Variants in FAT1 observed in about 807,000 individuals in gnomAD.
FAT1 encodes FAT atypical cadherin 1.
A neutral mutation model predicts 329.8 loss-of-function variants in FAT1; 171 were observed. The ratio of observed to expected loss-of-function variants is 0.52; its 90% CI spans 0.46 to 0.59. The LOEUF (loss-of-function observed/expected upper bound fraction) is 0.59, where lower values mean the gene tolerates loss of function less well. Among genes scored for constraint, FAT1 ranks in the 20% least tolerant of loss-of-function variants. FAT1 has a pLI of 0.00. For missense variants in FAT1, 5,672 were observed against 5,774.4 expected (o/e 0.98, Z 0.57); for synonymous variants, 2,233 against 2,228.6 (o/e 1.00, Z -0.06).
intron 2 of FAT1, among the ~76,000 whole-genome samples, chr4:186,704,324 CA>C (rs1308086441): frequency 6.6e-6 from 1 of 152,146 alleles, no homozygotes; most frequent in African/African-American, 2.4e-5. Flanking sequence ...TTTGGGACAC[CA>C]CCTCGTTTGG....
At position 186,647,815 on chromosome 4, in the gene FAT1, G is replaced by A. The variant is rs1011268752; in HGVS notation, c.3581-8032C>T. Among the ~76,000 whole-genome samples the A allele has an allele frequency of 4.6e-5, 7 of 152,322 alleles. No homozygotes were observed. In the East Asian group the frequency reaches 1.4e-3, roughly 29 times the overall value. ...TAGTTTAAGTTTTAGGGTCTTCAGT[G>A]TAATTTCTTCAGGAGTTGTTACTAC... On this transcript the variant is annotated intron_variant, in intron 3 of 26. Coordinates refer to ENST00000441802, the MANE Select transcript of FAT1 (RefSeq NM_005245.4).
intron 26 of FAT1, among the ~76,000 whole-genome samples, chr4:186,593,476 G>A (rs1003782742): frequency 6.6e-6 from 1 of 152,162 alleles, no homozygotes; most frequent in Non-Finnish European, 1.5e-5. Context: ...CACTATACAT[G>A]GCAAAAGGGA....
rs2126691685 is a variant in FAT1 at position 186,707,831 on chromosome 4, C to A, written c.1997G>T (p.Ser666Ile). ...PLYINITVAA[S>I]HKLVNLQCEE... ...ACACTGCAAGTTTACCAGCTTGTGACTGGCAGCCACTGTTATGTTGATATA... is the reference window on the plus strand; with the variant it reads ...ACACTGCAAGTTTACCAGCTTGTGAATGGCAGCCACTGTTATGTTGATATA... The change falls in exon 2 of 27, where the codon AGT (serine) becomes ATT (isoleucine). Residue 666 changes from serine (S) to isoleucine (I), a missense_variant. Physicochemically the swap from Ser to Ile is moderately radical, Grantham distance 142. Transcript: ENST00000441802. The A allele has an allele frequency of 5.0e-6, 8 of 1,613,752 alleles. No homozygotes were observed. Among genetic ancestry groups the A allele is most frequent in the Non-Finnish European group, 6.8e-6 (8 of 1,179,896 alleles).
chr4:186,595,323 G>A (rs903276746), intron 26 of FAT1, among the ~76,000 whole-genome samples: 4 of 152,032 alleles, frequency 2.6e-5, no homozygotes, highest in African/African-American at 9.7e-5. Flanking sequence ...GTGTGAGAGA[G>A]AGTGTGTGTT....
At chr4:186,663,096 A>G (rs1163933881) in intron 3 of FAT1, among the ~76,000 whole-genome samples, 3 of 152,210 alleles carry the variant, frequency 2.0e-5, no homozygotes, top group Non-Finnish European at 4.4e-5. Flanking sequence ...TCGGCCTCCC[A>G]AAGTGCTGGG....
At chr4:186,595,640 A>G (rs1398672969) in intron 26 of FAT1, 49 bp downstream of exon 26, 7 of 1,605,306 alleles carry the variant, frequency 4.4e-6, no homozygotes. Flanking sequence ...ATAACACAGT[A>G]ACACAACAAG....
intron 2 of FAT1, among the ~76,000 whole-genome samples, chr4:186,674,609 GA>G (rs1417430773): frequency 6.6e-6 from 1 of 152,122 alleles, no homozygotes; most frequent in Non-Finnish European, 1.5e-5. Flanking sequence ...AGGCCAAACA[GA>G]TCCCTGTATA....
chr4:186,724,477 G>A (rs1041403947), upstream of FAT1, among the ~76,000 whole-genome samples: 2 of 152,088 alleles, frequency 1.3e-5, no homozygotes, highest in Non-Finnish European at 2.9e-5. The surrounding 1 kb of genome is among the most constrained non-coding windows in gnomAD (Gnocchi z 5.3). Context: ...GGCCTCCCCC[G>A]CTGACACCCC....
At chr4:186,595,326 T>A (rs1000652360) in intron 26 of FAT1, among the ~76,000 whole-genome samples, 1 of 151,464 alleles carries the variant, frequency 6.6e-6, no homozygotes, top group African/African-American at 2.4e-5. Flanking sequence ...TGAGAGAGAG[T>A]GTGTGTTTGT....
At chr4:186,661,447 A>T (rs1742165972) in intron 3 of FAT1, among the ~76,000 whole-genome samples, 1 of 152,184 alleles carries the variant, frequency 6.6e-6, no homozygotes, top group South Asian at 2.1e-4. Flanking sequence ...ATGCCTAGGC[A>T]ATGAAGTCTC....
In FAT1 at chr4:186,628,350, A is replaced by G. The variant is rs368005557; in HGVS notation, c.4614T>C (p.Asp1538=). The G allele has an allele frequency of 4.0e-5, 64 of 1,612,718 alleles. No homozygotes were observed. The highest frequency in any genetic ancestry group is 5.3e-5 in the Non-Finnish European group (63 of 1,179,258). ...TTGCAAAGTTGCGTTTTACAGGCAC[A>G]TCTTGATCTCGTACCTAAAAAGAAT... ...HTLTVMVRDQ[D]VPVKRNFARI... The change falls in exon 9 of 27, where the codon GAT becomes GAC. Residue 1538 remains aspartate (D), a synonymous_variant. Transcript: ENST00000441802.
intron 2 of FAT1, among the ~76,000 whole-genome samples, chr4:186,703,756 G>T (rs1487290539): frequency 2.0e-5 from 3 of 152,234 alleles, no homozygotes; most frequent in Non-Finnish European, 4.4e-5. Context: ...CCAAGCTGTA[G>T]TGCAGTCTCT....
intron 1 of FAT1, 50 bp from the exon 2 acceptor site, chr4:186,709,895 A>G (rs1287312715): frequency 6.8e-7 from 1 of 1,469,540 alleles, no homozygotes; most frequent in Non-Finnish European, 9.1e-7. Context: ...AAAACAAGCA[A>G]AAGTGTGTAC....
chr4:186,698,075 T>G (rs1744123008), intron 2 of FAT1, among the ~76,000 whole-genome samples: 1 of 152,154 alleles, frequency 6.6e-6, no homozygotes, highest in African/African-American at 2.4e-5. Context: ...CGCTCAACCT[T>G]CACAACTGCA....
chr4:186,641,323 G>A (rs936261833), intron 3 of FAT1, among the ~76,000 whole-genome samples: 15 of 152,188 alleles, frequency 9.9e-5, no homozygotes, highest in Admixed American at 4.6e-4. Context: ...CAGTGCTTAC[G>A]GGTGTAAAAA....
At chr4:186,633,972 G>T in intron 6 of FAT1, 149 bp from the exon 7 acceptor site, 1 of 802,692 alleles carries the variant, frequency 1.2e-6, no homozygotes, top group Non-Finnish European at 1.9e-6. Context: ...GAAAAGAGTG[G>T]CCAATTAGAA....
rs374412337 is a variant in FAT1, at chr4:186,619,803, C to T, written c.6783G>A (p.Thr2261=). The part of the protein sequence containing the change: ...KLSIRATDSL[T]GAHAEVFVDI... Reference sequence around the variant, plus strand: ...CCACAAATACTTCAGCATGAGCGCCCGTCAAGGAGTCAGTTGCGCGTATGC... The same window carrying T: ...CCACAAATACTTCAGCATGAGCGCCTGTCAAGGAGTCAGTTGCGCGTATGC... Residue 2261 remains threonine (T), a synonymous_variant, in exon 10 of 27, where the codon ACG becomes ACA. Transcript: ENST00000441802. 39 of 1,613,964 alleles carry T rather than the reference C, an allele frequency of 2.4e-5. No homozygotes were observed. Among genetic ancestry groups the T allele is most frequent in the African/African-American group, 2.1e-4 (16 of 75,030 alleles).
chr4:186,633,906 A>C lies in FAT1; in HGVS notation c.4184-83T>G. ...CTGTGGCTTTCTCATACTTAATGGC[A>C]CTGAAAAATCTTCTAATATACTAGC... On this transcript the variant is annotated intron_variant, in intron 6 of 26. Transcript: ENST00000441802. 2.0e-6 allele frequency: 3 copies of C among 1,490,340 alleles called. No homozygotes were observed. The South Asian group carries it at 3.6e-5, about 18-fold the overall frequency. 92.3% of individuals were successfully genotyped at this position (1,490,340 alleles called of 1,614,324 possible). A position where few individuals can be genotyped will look rare whatever the true frequency, so the allele number is the denominator to read the frequency against.
chr4:186,668,429 C>T (rs771748183), intron 2 of FAT1, among the ~76,000 whole-genome samples: 3 of 152,196 alleles, frequency 2.0e-5, no homozygotes, highest in Non-Finnish European at 4.4e-5. Context: ...CTTCAAAACC[C>T]TCCAGTGCAA....
Sources: allele counts gnomAD v4.1 joint callset (sites outside exome capture counted in the v4.1 genomes callset), GRCh38; gene constraint gnomAD v4.1.1; non-coding constraint Gnocchi (gnomAD v3.1); transcripts MANE v1.5; gene names NCBI Gene and HGNC (gene_info 2026-07-23, HGNC 2026-07-21).